XDH: variants seen among roughly 807,000 people sequenced by gnomAD.
XDH encodes xanthine dehydrogenase.
In XDH, 138 loss-of-function variants were observed where a neutral mutation model predicts 156.1. The observed-to-expected ratio is 0.88, with a 90% CI of 0.77 to 1.02. XDH has a LOEUF of 1.02. Among genes scored for constraint, XDH ranks in the 50% least tolerant of loss-of-function variants. The probability of loss-of-function intolerance (pLI) is 0.00; values close to 1 mark genes in which losing one functional copy is unlikely to be tolerated. For synonymous variants in XDH, 669 were observed against 625.7 expected (o/e 1.07, Z -1.03); for missense variants, 1,849 against 1,684.9 (o/e 1.10, Z -1.71).
chr2:31,389,778 C>G (rs1202783298), intron 6 of XDH: 1 of 152,104 alleles, frequency 6.6e-6, no homozygotes, highest in African/African-American at 2.4e-5. Context: ...ACTACATTTT[C>G]TCATCCCCAC....
intron 4 of XDH, among the ~76,000 whole-genome samples, chr2:31,399,048 A>G (rs1449931666): frequency 1.3e-5 from 2 of 152,244 alleles, no homozygotes; most frequent in Admixed American, 6.5e-5. Flanking sequence ...AACAGTGACT[A>G]TCATAACCAG....
In XDH at chr2:31,337,797, G is replaced by A. The variant is rs1572505950; in HGVS notation, c.3795C>T (p.Leu1265=). Residue 1265 remains leucine, a synonymous_variant, in exon 35 of 36, where the codon CTC becomes CTT. Transcript: ENST00000379416. The part of the protein sequence containing the change: ...YASKAVGEPP[L]FLAASIFFAI... ...CAAAGAAGATAGAAGCAGCCAGGAA[G>A]AGGGGCGGCTCTCCAACAGCCTGAA... 1.9e-6 allele frequency: 3 copies of A among 1,614,198 alleles called. No individual in the cohort carries two copies. The highest frequency in any genetic ancestry group is 2.5e-6 in the Non-Finnish European group (3 of 1,180,030).
intron 25 of XDH, 91 bp downstream of exon 25, chr2:31,349,941 T>C: frequency 1.2e-6 from 2 of 1,611,592 alleles, no homozygotes; most frequent in Non-Finnish European, 8.5e-7. Context: ...GCCTGTCATC[T>C]GCCCCCATGG....
At chr2:31,386,594 T>A in intron 8 of XDH, 39 bp from the exon 9 acceptor site, 1 of 1,613,694 alleles carries the variant, frequency 6.2e-7, no homozygotes, top group Non-Finnish European at 8.5e-7. Flanking sequence ...GTCTCCCTCT[T>A]CCTACTGTCA....
intron 24 of XDH, among the ~76,000 whole-genome samples, chr2:31,356,429 T>C (rs1685623889): frequency 6.6e-6 from 1 of 152,218 alleles, no homozygotes. Flanking sequence ...CCTGAACCAT[T>C]GGAGTGGATC....
intron 18 of XDH, among the ~76,000 whole-genome samples, 166 bp from the exon 19 acceptor site, chr2:31,368,826 A>T (rs750951263): frequency 4.6e-5 from 7 of 152,218 alleles, no homozygotes; most frequent in Admixed American, 1.3e-4. Context: ...ATTGAGGATC[A>T]CTAGGATCAA....
chr2:31,341,521 T>A, intron 32 of XDH, 127 bp from the exon 33 acceptor site: 1 of 976,652 alleles, frequency 1.0e-6, no homozygotes, highest in Non-Finnish European at 1.6e-6. Flanking sequence ...CAGAAAGCCC[T>A]GGGTGTGCTC....
At chr2:31,365,231 C>A (rs1042659812) in intron 23 of XDH, among the ~76,000 whole-genome samples, 14 of 152,230 alleles carry the variant, frequency 9.2e-5, no homozygotes, top group Non-Finnish European at 1.9e-4. Context: ...AGCAAATCCA[C>A]AGAAGTCACG....
Position 31,346,841 on chromosome 2 carries a change from C to T in XDH, c.3279G>A (p.Ala1093=), listed in dbSNP as rs745594792. The stretch of plus-strand genomic sequence containing the variant: ...GCCTTTTCAAGATGGTCTGACAAGC[C>T]GCCTAAAGTAAACACCCCCCACACC... ...SADLNGQAVY[A]ACQTILKRLE... is the part of the protein sequence containing the mutation. Residue 1093 remains alanine (A), a splice_region_variant and synonymous_variant, in exon 30 of 36, where the codon GCG becomes GCA. Transcript: ENST00000379416. 19 of 1,613,860 alleles carry T rather than the reference C, an allele frequency of 1.2e-5. No individual in the cohort carries two copies. In the East Asian group the frequency reaches 2.0e-4, roughly 17 times the overall value.
At position 31,383,001 on chromosome 2, in the gene XDH, C is replaced by T. The variant is rs557992688; in HGVS notation, c.1038G>A (p.Ala346=). ...WFAGKQVKSV[A]SVGGNIITAS... ...TCGCTTGCTTCTGAGAGCGACTCAC[C>T]GCCACAGACTTGACTTGCTTCCCAG... The change falls in exon 11 of 36, where the codon GCG becomes GCA. Residue 346 remains alanine, a splice_region_variant and synonymous_variant. Transcript: ENST00000379416. The T allele has an allele frequency of 3.6e-5, 58 of 1,614,018 alleles. No homozygotes were observed. Among genetic ancestry groups the T allele is most frequent in the Non-Finnish European group, 4.6e-5 (54 of 1,180,024 alleles).
At chr2:31,385,138 T>TGAA (rs1686551868) in intron 9 of XDH, among the ~76,000 whole-genome samples, 1 of 151,990 alleles carries the variant, frequency 6.6e-6, no homozygotes, top group Non-Finnish European at 1.5e-5. Flanking sequence ...TGAGGTGAGC[T>TGAA]ATGGTGACAT....
rs750726140 is a variant in XDH at position 31,388,207 on chromosome 2, G to C, written c.564+20C>G. The stretch of plus-strand genomic sequence containing the variant: ...TCTCAGATTACCCCCAGGCTTCCAG[G>C]GGGAGAAGAACTCACTTACTGAGTG... On this transcript the variant is annotated intron_variant, in intron 7 of 35. Coordinates refer to ENST00000379416, the MANE Select transcript of XDH (RefSeq NM_000379.4). 1.4e-5 allele frequency: 23 copies of C among 1,613,822 alleles called. No homozygotes were observed. Among genetic ancestry groups the C allele is most frequent in the Non-Finnish European group, 1.9e-5 (22 of 1,179,858 alleles).
chr2:31,405,974 TAAATG>T lies in XDH; in HGVS notation c.43-15_43-11del. On this transcript the variant is annotated splice_polypyrimidine_tract_variant and intron_variant, in intron 1 of 35. Coordinates refer to ENST00000379416, the MANE Select transcript of XDH (RefSeq NM_000379.4). Reference sequence around the variant, plus strand: ...CATTTTTCTCCACCACCTATTAAAATAAATGAAAGAAAAATATATCATAGGTATAC... The same window carrying T: ...CATTTTTCTCCACCACCTATTAAAATAAAGAAAAATATATCATAGGTATAC... 6.2e-7 allele frequency: 1 copy of T among 1,613,956 alleles called. No individual in the cohort carries two copies. The highest frequency in any genetic ancestry group is 8.5e-7 in the Non-Finnish European group (1 of 1,179,888).
intron 16 of XDH, 135 bp from the exon 17 acceptor site, chr2:31,372,532 T>A: frequency 8.4e-7 from 1 of 1,185,780 alleles, no homozygotes; most frequent in Non-Finnish European, 1.2e-6. Flanking sequence ...CAGAGGGGCG[T>A]GGGGCAAAGG....
chr2:31,407,119 C>T (rs1687214274), intron 1 of XDH, among the ~76,000 whole-genome samples: 1 of 152,142 alleles, frequency 6.6e-6, no homozygotes, highest in Admixed American at 6.6e-5. Context: ...ACTACCCACA[C>T]CTTCCTAAAG....
chr2:31,337,519 A>G, intron 35 of XDH, 122 bp downstream of exon 35: 2 of 1,431,582 alleles, frequency 1.4e-6, no homozygotes, highest in Non-Finnish European at 2.0e-6. Flanking sequence ...GTGGCCATTG[A>G]TGCAAGGCTG....
intron 8 of XDH, among the ~76,000 whole-genome samples, chr2:31,387,521 A>G (rs996896970): frequency 6.6e-6 from 1 of 152,172 alleles, no homozygotes; most frequent in Non-Finnish European, 1.5e-5. Flanking sequence ...TACACTACAC[A>G]GTGTGCCTAG....
At chr2:31,386,703 A>C in intron 8 of XDH, 148 bp from the exon 9 acceptor site, 1 of 1,092,634 alleles carries the variant, frequency 9.2e-7, no homozygotes, top group Non-Finnish European at 1.3e-6. Context: ...TAATATGTTC[A>C]GAGGCAGGAA....
At position 31,398,262 on chromosome 2, in the gene XDH, T is replaced by C. The variant is rs572489402; in HGVS notation, c.433+311A>G. On this transcript the variant is annotated intron_variant, in intron 5 of 35. Transcript: ENST00000379416. ...ATCATATCACTAGCCCCCGTGGAGT[T>C]TTCTAAATGACGTCTTCCTGCACCA... Among the ~76,000 whole-genome samples, 4 of 152,130 alleles carry C rather than the reference T, an allele frequency of 2.6e-5. No individual in the cohort carries two copies. The East Asian group carries it at 7.7e-4, about 29-fold the overall frequency.
Sources: allele counts gnomAD v4.1 joint callset (sites outside exome capture counted in the v4.1 genomes callset), GRCh38; gene constraint gnomAD v4.1.1; transcripts MANE v1.5; gene names NCBI Gene and HGNC (gene_info 2026-07-23, HGNC 2026-07-21).